The following PSG2 variants were observed in gnomAD, a reference collection of about 807,000 sequenced individuals.
PSG2 encodes pregnancy specific beta-1-glycoprotein 2.
Under a neutral mutation model 36.2 loss-of-function variants are expected in PSG2, and 49 were observed. That is an observed-to-expected ratio of 1.35 (90% confidence interval 1.08 to 1.72). The LOEUF (loss-of-function observed/expected upper bound fraction) is 1.72. Among genes scored for constraint, PSG2 ranks in the 40% most tolerant of loss-of-function variants. PSG2 has a pLI of 0.00. For synonymous variants in PSG2, 261 were observed against 155.6 expected, an observed-to-expected ratio of 1.68 and a Z score of -5.04; for missense variants, 605 against 407.2, an observed-to-expected ratio of 1.49 and a Z score of -4.18.
In PSG2 at chr19:43,064,247, A is replaced by C. The variant is rs936195900; in HGVS notation, c.*395T>G. 1 of 183,914 alleles carries C rather than the reference A, an allele frequency of 5.4e-6. No individual in the cohort carries two copies. Among genetic ancestry groups the C allele is most frequent in the African/African-American group, 2.4e-5 (1 of 41,844 alleles). 11.4% of individuals were successfully genotyped at this position (183,914 alleles called of 1,614,324 possible). On this transcript the variant is annotated 3_prime_UTR_variant, in exon 6 of 6. Coordinates refer to ENST00000406487, the MANE Select transcript of PSG2 (RefSeq NM_031246.4). ...ATAGCTTTATTACCATAAACATATG[A>C]ATACTCATGAATAGATTCCCAATTC...
rs1245224825 is a variant in PSG2 at position 43,073,307 on chromosome 19, G to A, written c.710-1353C>T. Among the ~76,000 whole-genome samples, 6 of 151,812 alleles carry A rather than the reference G, an allele frequency of 4.0e-5. No homozygotes were observed. The East Asian group carries it at 1.2e-3, about 29-fold the overall frequency. On this transcript the variant is annotated intron_variant, in intron 3 of 5. Coordinates refer to ENST00000406487, the MANE Select transcript of PSG2 (RefSeq NM_031246.4). Reference sequence around the variant, plus strand: ...GAGTGCAAGGAATGATCTAGAAAGAGTGAAGGGGATAGGCAAGAGCTGGTG... The same window carrying A: ...GAGTGCAAGGAATGATCTAGAAAGAATGAAGGGGATAGGCAAGAGCTGGTG...
chr19:43,081,068 T>A lies in PSG2; in HGVS notation c.243A>T (p.Ser81=), dbSNP rs141902760. ...QIRDLYHYIT[S]YVVDGQIIIY... ...TAATTATTTGACCGTCTACTACATA[T>A]GATGTAATGTAATGGTAGAGGTCCC... Residue 81 remains serine, a synonymous_variant, in exon 2 of 6, where the codon TCA becomes TCT. Transcript: ENST00000406487. 630 of 1,612,814 alleles carry A rather than the reference T, an allele frequency of 3.9e-4. 13 individuals are homozygous for A. The East Asian group carries it at 0.012, about 30-fold the overall frequency.
chr19:43,064,813 A>G lies in PSG2; in HGVS notation c.*41-212T>C, dbSNP rs1245396276. Among the ~76,000 whole-genome samples, 25 of 151,782 alleles carry G rather than the reference A, an allele frequency of 1.6e-4. 1 individual carries two copies. The highest frequency in any genetic ancestry group is 7.4e-5 in the Non-Finnish European group (5 of 67,998). ...CATATTTGATTTTCAGAAATTTCAT[A>G]TAATTTTTAGAATACTCATTAAAAA... On this transcript the variant is annotated intron_variant, in intron 5 of 5. Transcript: ENST00000406487.
At chr19:43,072,498 G>T (rs1967834230) in intron 3 of PSG2, 2 of 1,611,208 alleles carry the variant, frequency 1.2e-6, no homozygotes, top group Non-Finnish European at 8.5e-7. Flanking sequence ...GGACTGACCG[G>T]GAGGCTCTGA....
At chr19:43,068,698 G>C (rs1483654536) in intron 4 of PSG2, among the ~76,000 whole-genome samples, 1 of 151,522 alleles carries the variant, frequency 6.6e-6, no homozygotes, top group Non-Finnish European at 1.5e-5. Context: ...GAAAAACATT[G>C]TAAGAATGGA....
At chr19:43,068,297 G>T (rs893274230) in intron 4 of PSG2, among the ~76,000 whole-genome samples, 1 of 151,024 alleles carries the variant, frequency 6.6e-6, no homozygotes, top group East Asian at 1.9e-4. Context: ...CAATTAGCTG[G>T]GCATGTTGAC....
chr19:43,080,588 T>C (rs1197227286), intron 2 of PSG2, among the ~76,000 whole-genome samples: 1 of 151,616 alleles, frequency 6.6e-6, no homozygotes, highest in Admixed American at 6.6e-5. Context: ...CAGGGTCAAA[T>C]TTATGAAGAG....
intron 3 of PSG2, among the ~76,000 whole-genome samples, chr19:43,073,750 T>C (rs974260570): frequency 7.3e-5 from 11 of 151,650 alleles, no homozygotes; most frequent in African/African-American, 2.7e-4. Context: ...AGAGATCTGC[T>C]GTAGAGCTTG....
intron 4 of PSG2, among the ~76,000 whole-genome samples, chr19:43,068,311 C>T (rs1327342554): frequency 2.6e-5 from 4 of 151,392 alleles, no homozygotes; most frequent in Admixed American, 6.6e-5. Context: ...TGTTGACATG[C>T]ACCTGTAGTC....
intron 2 of PSG2, among the ~76,000 whole-genome samples, chr19:43,079,590 T>G (rs1380955209): frequency 6.6e-6 from 1 of 151,602 alleles, no homozygotes; most frequent in African/African-American, 2.4e-5. Context: ...GTCCTCTCCT[T>G]GATCCTCTCA....
chr19:43,075,421 G>A lies in PSG2; in HGVS notation c.642C>T (p.Pro214=), dbSNP rs139395576. 3.1e-6 allele frequency: 5 copies of A among 1,613,026 alleles called. No homozygotes were observed. The highest frequency in any genetic ancestry group is 1.1e-5 in the South Asian group (1 of 91,046). Reference sequence around the variant, plus strand: ...CTGAGTTCCGTATTTCACATTCATAGGGTCCTGCAGTATACTTTGTGACAC... The same window carrying A: ...CTGAGTTCCGTATTTCACATTCATAAGGTCCTGCAGTATACTTTGTGACAC... The part of the protein sequence containing the change: ...LFGVTKYTAG[P]YECEIRNSGS... The change falls in exon 3 of 6, where the codon CCC becomes CCT. Residue 214 remains proline (P), a synonymous_variant. Coordinates refer to ENST00000406487, the MANE Select transcript of PSG2 (RefSeq NM_031246.4).
chr19:43,066,740 G>A (rs1305490256), intron 4 of PSG2, 140 bp from the exon 5 acceptor site: 15 of 1,346,680 alleles, frequency 1.1e-5, no homozygotes, highest in Non-Finnish European at 1.4e-5. Flanking sequence ...ATATTGATGG[G>A]AGATGATTAT....
intron 2 of PSG2, among the ~76,000 whole-genome samples, chr19:43,079,599 C>T (rs1456283529): frequency 6.6e-6 from 1 of 151,636 alleles, no homozygotes; most frequent in East Asian, 1.9e-4. Flanking sequence ...TTGATCCTCT[C>T]ATGACAGTGA....
rs534835723 is a variant in PSG2 at position 43,080,694 on chromosome 19, G to A, written c.430+187C>T. ...GCGAGTGTCTGCAGGGTCTGGATGC[G>A]GGAAAGGAATTCTGATCTGTTGAAA... On this transcript the variant is annotated intron_variant, in intron 2 of 5. Coordinates refer to ENST00000406487, the MANE Select transcript of PSG2 (RefSeq NM_031246.4). 2.6e-3 allele frequency among the ~76,000 whole-genome samples: 401 copies of A among 151,704 alleles called. 21 individuals carry two copies. The highest frequency in any genetic ancestry group is 9.1e-3 in the African/African-American group (374 of 41,120).
rs1967799564 is a variant in PSG2 at position 43,070,429 on chromosome 19, A to G, written c.964+1271T>C. Among the ~76,000 whole-genome samples, 4 of 151,864 alleles carry G rather than the reference A, an allele frequency of 2.6e-5. No homozygotes were observed. In the South Asian group the frequency reaches 8.3e-4, roughly 32 times the overall value. On this transcript the variant is annotated intron_variant, in intron 4 of 5. Transcript: ENST00000406487. ...AGAGAAGCATTACTCACACTAGCGA[A>G]AAAATGGAAACAACCAAAAAGTCCA...
chr19:43,074,488 T>G (rs534982303), intron 3 of PSG2, among the ~76,000 whole-genome samples: 3 of 151,760 alleles, frequency 2.0e-5, no homozygotes, highest in Admixed American at 2.0e-4. Context: ...CTTAATTTCC[T>G]TTCAGATTGT....
At chr19:43,065,350 G>A (rs968986596) in intron 5 of PSG2, 3 of 151,490 alleles carry the variant, frequency 2.0e-5, no homozygotes, top group Non-Finnish European at 2.9e-5. Flanking sequence ...GTTGAAAAAG[G>A]TCCTTAGGTA....
At chr19:43,077,559 CAAG>C (rs997050479) in intron 2 of PSG2, among the ~76,000 whole-genome samples, 1 of 151,660 alleles carries the variant, frequency 6.6e-6, no homozygotes, top group Admixed American at 6.6e-5. Flanking sequence ...TGTCTCCCCA[CAAG>C]AAGAACTCCA....
intron 3 of PSG2, among the ~76,000 whole-genome samples, chr19:43,074,612 T>C (rs1427697643): frequency 6.6e-6 from 1 of 151,606 alleles, no homozygotes; most frequent in Non-Finnish European, 1.5e-5. Flanking sequence ...ATTTTCCCTC[T>C]CCCTTTGCAG....
Sources: gnomAD v4.1 joint callset for allele counts (sites outside exome capture counted in the v4.1 genomes callset) on GRCh38, gnomAD v4.1.1 for gene constraint, MANE v1.5 for transcripts, NCBI Gene and HGNC (gene_info 2026-07-23, HGNC 2026-07-21) for gene names.